The following CNTN5 variants were observed in gnomAD, a reference collection of about 807,000 sequenced individuals.
CNTN5 encodes the protein contactin-5.
In CNTN5, 77 loss-of-function variants were observed where a neutral mutation model predicts 129.1. The ratio of observed to expected loss-of-function variants is 0.60; its 90% confidence interval spans 0.50 to 0.72. The LOEUF (loss-of-function observed/expected upper bound fraction) is 0.72, where lower values mean the gene tolerates loss of function less well. Ranked by LOEUF, CNTN5 falls within the 30% of genes least tolerant of loss-of-function variation. The pLI is 0.00. For synonymous variants in CNTN5, 509 were observed against 465.6 expected, an observed-to-expected ratio of 1.09 and a Z score of -1.20; for missense variants, 1,478 against 1,328.8, an observed-to-expected ratio of 1.11 and a Z score of -1.75.
At chr11:99,236,384 T>C (rs1263795127) in intron 1 of CNTN5, among the ~76,000 whole-genome samples, 1 of 152,050 alleles carries the variant, frequency 6.6e-6, no homozygotes. Flanking sequence ...GCTACTAGCC[T>C]TGTGTTATTT....
At chr11:100,118,092 A>T (rs997427549) in intron 13 of CNTN5, among the ~76,000 whole-genome samples, 1 of 151,860 alleles carries the variant, frequency 6.6e-6, no homozygotes, top group Non-Finnish European at 1.5e-5. Context: ...GATTTGTCAA[A>T]ATTGAAGATA....
At chr11:99,415,631 A>G (rs1942622964) in intron 2 of CNTN5, among the ~76,000 whole-genome samples, 2 of 152,092 alleles carry the variant, frequency 1.3e-5, no homozygotes, top group Non-Finnish European at 2.9e-5. Flanking sequence ...AGTTGTTTCT[A>G]TGGCTAGCCT....
intron 9 of CNTN5, among the ~76,000 whole-genome samples, chr11:100,049,781 A>G (rs10750467): frequency 0.33 from 50,308 of 152,000 alleles, 8,815 homozygotes; most frequent in East Asian, 0.48. Context: ...TTTACAAGAA[A>G]AATACAAACA....
rs1453389026 is a variant in CNTN5, at chr11:99,457,759, CA to C, written c.-70-98384del. 2.6e-5 allele frequency among the ~76,000 whole-genome samples: 4 copies of C among 151,406 alleles called. No homozygotes were observed. The South Asian group carries it at 8.3e-4, about 31-fold the overall frequency. On this transcript the variant is annotated intron_variant, in intron 2 of 24. Coordinates refer to ENST00000524871, the MANE Select transcript of CNTN5 (RefSeq NM_014361.4). ...GTTATATTATTTTTATAAATATGGC[CA>C]ATGGAATTCAAATGCATTAGCAACT...
chr11:100,193,765 CAG>C (rs1948562276), intron 15 of CNTN5, 102 bp downstream of exon 15: 2 of 823,578 alleles, frequency 2.4e-6, no homozygotes, highest in Non-Finnish European at 3.7e-6. Context: ...AAAAAAAAAA[CAG>C]AACATCGACT....
At chr11:100,076,007 G>T (rs1944112400) in intron 13 of CNTN5, among the ~76,000 whole-genome samples, 1 of 152,090 alleles carries the variant, frequency 6.6e-6, no homozygotes, top group African/African-American at 2.4e-5. Flanking sequence ...AGGTTGGGGG[G>T]CGGGTAGCAA....
intron 1 of CNTN5, among the ~76,000 whole-genome samples, chr11:99,239,563 G>A (rs559203578): frequency 6.0e-4 from 92 of 152,280 alleles, no homozygotes; most frequent in Middle Eastern, 3.4e-3. Context: ...CTGTGAGTAG[G>A]AAAACACTCA....
intron 6 of CNTN5, among the ~76,000 whole-genome samples, chr11:99,856,986 C>A (rs1398617924): frequency 6.6e-6 from 1 of 150,870 alleles, no homozygotes; most frequent in Non-Finnish European, 1.5e-5. Context: ...CTCCCTGTTA[C>A]TCCCTCCCTC....
rs1307845616 is a variant in CNTN5 at position 100,341,107 on chromosome 11, C to T, written c.2932C>T (p.Pro978Ser). 6.2e-7 allele frequency: 1 copy of T among 1,613,460 alleles called. No individual in the cohort carries two copies. Among genetic ancestry groups the T allele is most frequent in the Non-Finnish European group, 8.5e-7 (1 of 1,179,438 alleles). The change falls in exon 23 of 25, where the codon CCT becomes TCT. Residue 978 changes from proline (P) to serine (S), a missense_variant. By Grantham distance (74) the Pro-to-Ser change is moderately conservative. Coordinates refer to ENST00000524871, the MANE Select transcript of CNTN5 (RefSeq NM_014361.4). The part of the protein sequence containing the change: ...TTKKSPPSQA[P>S]SNLRWEQQGS... Reference sequence around the variant, plus strand: ...TTATTTTGCAGCTCCTAGTCAAGCACCTAGCAACCTCAGGTGGGAGCAGCA... The same window carrying T: ...TTATTTTGCAGCTCCTAGTCAAGCATCTAGCAACCTCAGGTGGGAGCAGCA...
At chr11:99,947,345 G>GTT (rs5794030) in intron 7 of CNTN5, among the ~76,000 whole-genome samples, 6 of 145,618 alleles carry the variant, frequency 4.1e-5, no homozygotes, top group East Asian at 2.0e-4. Flanking sequence ...TTATGATTAG[G>GTT]TTTTTTTTTT....
intron 1 of CNTN5, among the ~76,000 whole-genome samples, chr11:99,154,360 G>A (rs1860229834): frequency 6.6e-6 from 1 of 152,198 alleles, no homozygotes; most frequent in Non-Finnish European, 1.5e-5. Context: ...CTCCATGCAT[G>A]CATGCACATT....
chr11:99,395,772 T>C (rs186298421), intron 2 of CNTN5, among the ~76,000 whole-genome samples: 3 of 152,146 alleles, frequency 2.0e-5, no homozygotes, highest in African/African-American at 7.2e-5. Flanking sequence ...ACTAGTCAGT[T>C]ATCCCAGCAC....
intron 6 of CNTN5, among the ~76,000 whole-genome samples, chr11:99,908,212 G>A (rs1949561682): frequency 1.3e-5 from 2 of 152,026 alleles, no homozygotes; most frequent in Non-Finnish European, 2.9e-5. Context: ...AATGAAGGGA[G>A]AAAGGGGTAA....
intron 1 of CNTN5, among the ~76,000 whole-genome samples, chr11:99,026,611 T>A (rs1863116285): frequency 6.6e-6 from 1 of 151,574 alleles, no homozygotes; most frequent in Non-Finnish European, 1.5e-5. Flanking sequence ...GTGGAACCCT[T>A]AGGAAAAAGT....
At chr11:99,421,317 A>G (rs759714524) in intron 2 of CNTN5, among the ~76,000 whole-genome samples, 7 of 152,144 alleles carry the variant, frequency 4.6e-5, no homozygotes, top group Non-Finnish European at 1.0e-4. Flanking sequence ...ACTAGTGAAG[A>G]ATTTTGACAA....
At chr11:99,157,501 A>C (rs1390772717) in intron 1 of CNTN5, among the ~76,000 whole-genome samples, 1 of 152,118 alleles carries the variant, frequency 6.6e-6, no homozygotes, top group Non-Finnish European at 1.5e-5. Context: ...AGAGCAAAAA[A>C]ATTGATATCA....
chr11:99,199,172 GC>G (rs990574300), intron 1 of CNTN5, among the ~76,000 whole-genome samples: 11 of 152,162 alleles, frequency 7.2e-5, no homozygotes, highest in African/African-American at 2.4e-4. Flanking sequence ...TGGAGATTGG[GC>G]AGAAAAGATT....
intron 2 of CNTN5, among the ~76,000 whole-genome samples, chr11:99,512,224 T>C (rs1946864524): frequency 6.6e-6 from 1 of 152,154 alleles, no homozygotes; most frequent in Non-Finnish European, 1.5e-5. Context: ...GCTATACCTT[T>C]AATACATTTA....
At chr11:99,772,545 T>A (rs1354635577) in intron 3 of CNTN5, among the ~76,000 whole-genome samples, 4 of 152,100 alleles carry the variant, frequency 2.6e-5, no homozygotes, top group Non-Finnish European at 5.9e-5. Flanking sequence ...CCTGTTTCAC[T>A]GATACTGCAG....
Sources: gnomAD v4.1 joint callset for allele counts (sites outside exome capture counted in the v4.1 genomes callset) on GRCh38, gnomAD v4.1.1 for gene constraint, MANE v1.5 for transcripts, NCBI Gene and HGNC (gene_info 2026-07-23, HGNC 2026-07-21) for gene names.